EMC3: variants seen among roughly 807,000 people sequenced by gnomAD.
The protein encoded by EMC3 is 30 kDa protein.
EMC3 carries 13 observed loss-of-function variants against 36.6 expected under a neutral mutation model. The observed-to-expected ratio is 0.35, with a 90% CI of 0.23 to 0.56. The LOEUF (loss-of-function observed/expected upper bound fraction) is 0.56, where lower values mean the gene tolerates loss of function less well. EMC3 is among the 20% of genes least tolerant of loss of function. The pLI is 0.84. For missense variants in EMC3, 220 were observed against 324.5 expected (o/e 0.68, Z 2.47); for synonymous variants, 120 against 111.9 (o/e 1.07, Z -0.46).
At chr3:9,969,861 G>A in intron 6 of EMC3, 60 bp from the exon 7 acceptor site, 2 of 1,592,664 alleles carry the variant, frequency 1.3e-6, no homozygotes, top group South Asian at 2.3e-5. Flanking sequence ...CAGCACCCAA[G>A]GGGAAGAATG....
upstream of EMC3, chr3:9,987,187 C>T: frequency 1.1e-6 from 1 of 937,270 alleles, no homozygotes; most frequent in Non-Finnish European, 1.3e-6. Flanking sequence ...GCACTCCAGC[C>T]TGGGCGACAG....
chr3:10,005,851 GTGCTCCACCATCAGAGAAC>G (rs1447097629), intron 1 of EMC3, among the ~76,000 whole-genome samples: 1 of 152,186 alleles, frequency 6.6e-6, no homozygotes, highest in African/African-American at 2.4e-5. Flanking sequence ...AAGAGAGGAA[GTGCTCCACCATCAGAGAAC>G]TGTCCCTTCC....
intron 1 of EMC3, among the ~76,000 whole-genome samples, chr3:9,994,635 A>G (rs566785605): frequency 3.3e-5 from 5 of 152,028 alleles, no homozygotes; most frequent in African/African-American, 9.7e-5. Context: ...CAGTGGCGCA[A>G]TCTCGGCTCA....
In EMC3 at chr3:9,969,259, C is replaced by A. The variant is rs559701271; in HGVS notation, c.657+460G>T. ...ACACGTGTGAGCCCCTGTGCCTGGCCGGAACTTCCCTTCTCTTTTAGTTTC... is the reference window on the plus strand; with the variant it reads ...ACACGTGTGAGCCCCTGTGCCTGGCAGGAACTTCCCTTCTCTTTTAGTTTC... On this transcript the variant is annotated intron_variant, in intron 7 of 7. Coordinates refer to ENST00000245046, the MANE Select transcript of EMC3 (RefSeq NM_001394674.1). 347 of 996,854 alleles carry A rather than the reference C, an allele frequency of 3.5e-4. 8 individuals are homozygous for A. The South Asian group carries it at 7.7e-3, about 22-fold the overall frequency. The allele number at this position is 996,854 out of a possible 1,614,324, so 61.8% of individuals were successfully genotyped here.
chr3:10,007,998 G>C (rs898348247), intron 1 of EMC3, among the ~76,000 whole-genome samples: 3 of 152,170 alleles, frequency 2.0e-5, no homozygotes, highest in African/African-American at 7.2e-5. Flanking sequence ...TGTCTCCCCA[G>C]TGAGCTGCTG....
At chr3:9,998,591 G>T (rs1229565706) in intron 1 of EMC3, among the ~76,000 whole-genome samples, 1 of 151,426 alleles carries the variant, frequency 6.6e-6, no homozygotes, top group African/African-American at 2.4e-5. Context: ...CACCTCTCCT[G>T]GCCCTATTTT....
intron 1 of EMC3, among the ~76,000 whole-genome samples, chr3:9,979,312 C>T (rs2085885592): frequency 1.3e-5 from 2 of 152,106 alleles, no homozygotes; most frequent in Admixed American, 1.3e-4. Flanking sequence ...AAATATTTTA[C>T]AAAAGTATTA....
At chr3:10,005,261 T>C (rs553307907) in intron 1 of EMC3, 4 of 137,374 alleles carry the variant, frequency 2.9e-5, no homozygotes, top group Non-Finnish European at 6.2e-5. Flanking sequence ...AAAAAAAAAA[T>C]CACACATCCA....
At chr3:10,001,484 A>T (rs1239874334) in intron 1 of EMC3, among the ~76,000 whole-genome samples, 1 of 151,136 alleles carries the variant, frequency 6.6e-6, no homozygotes, top group African/African-American at 2.4e-5. Flanking sequence ...AGTCTGAGGC[A>T]GGAGAATGGC....
At chr3:9,993,150 T>C in intron 1 of EMC3, 1 of 638,460 alleles carries the variant, frequency 1.6e-6, no homozygotes, top group Non-Finnish European at 2.8e-6. Context: ...ATTTTAATTG[T>C]CTATCTCAAT....
rs2085775560 is a variant in EMC3 at position 9,970,640 on chromosome 3, G to A, written c.516C>T (p.Tyr172=). ...DASWVSSASW[Y]FLNVFGLRSI... ...TCCGAAGCCCAAATACATTGAGGAA[G>A]TACCAGGATGCAGAACTCACCCTGG... Residue 172 remains tyrosine (Y), a synonymous_variant, in exon 6 of 8, where the codon TAC becomes TAT. Coordinates refer to ENST00000245046, the MANE Select transcript of EMC3 (RefSeq NM_001394674.1). 2 of 1,614,038 alleles carry A rather than the reference G, an allele frequency of 1.2e-6. No individual in the cohort carries two copies. The highest frequency in any genetic ancestry group is 1.7e-5 in the Admixed American group (1 of 60,002).
At chr3:9,986,886 T>A (rs1478545008), upstream of EMC3, 2 of 1,339,718 alleles carry the variant, frequency 1.5e-6, no homozygotes, top group Non-Finnish European at 1.9e-6. Flanking sequence ...CTCAGTGGCG[T>A]CAGAGCGGCG....
chr3:9,982,624 A>C (rs985867057), intron 1 of EMC3, among the ~76,000 whole-genome samples: 2 of 152,118 alleles, frequency 1.3e-5, no homozygotes, highest in African/African-American at 4.8e-5. Context: ...CCAGTGGCTC[A>C]TGCCTATAAT....
At chr3:9,969,227 TG>T in intron 7 of EMC3, 1 of 643,456 alleles carries the variant, frequency 1.6e-6, no homozygotes, top group Non-Finnish European at 2.0e-6. Flanking sequence ...CCCAAAGTGC[TG>T]GGATTACACG....
chr3:10,008,333 G>T, intron 1 of EMC3: 1 of 1,219,180 alleles, frequency 8.2e-7, no homozygotes, highest in Non-Finnish European at 1.1e-6. Flanking sequence ...TGGGTCAAGG[G>T]ACTATAGGGA....
upstream of EMC3, chr3:9,988,552 T>C (rs496181): frequency 0.34 from 294,905 of 877,898 alleles, 55,540 homozygotes; most frequent in Middle Eastern, 0.41. Flanking sequence ...CTGAGGTAGA[T>C]TGAAATAAAA....
chr3:9,986,918 A>G, upstream of EMC3: 2 of 1,278,436 alleles, frequency 1.6e-6, no homozygotes, highest in South Asian at 1.9e-5. Context: ...GGGAAAGTGG[A>G]AAACTATCGG....
chr3:9,980,832 G>A (rs1320323013), intron 1 of EMC3, among the ~76,000 whole-genome samples: 1 of 152,214 alleles, frequency 6.6e-6, no homozygotes, highest in Non-Finnish European at 1.5e-5. Flanking sequence ...GAGCAGGGTC[G>A]TGACCTTGTC....
In EMC3 at chr3:10,009,437, A is replaced by T. The variant is rs116780872; in HGVS notation, c.-242+1586T>A. ...GCGGGAGGAAAAGCAAACCCCACCA[A>T]ACCAACACCTAGTCTAGAGCCTGAT... On this transcript the variant is annotated intron_variant, in intron 1 of 8. Coordinates refer to the EMC3 transcript ENST00000470827. 8.5e-3 allele frequency among the ~76,000 whole-genome samples: 1,291 copies of T among 152,232 alleles called. 9 individuals are homozygous for T. The highest frequency in any genetic ancestry group is 0.018 in the South Asian group (89 of 4,820).
Sources: gnomAD v4.1 joint callset for allele counts (sites outside exome capture counted in the v4.1 genomes callset) on GRCh38, gnomAD v4.1.1 for gene constraint, MANE v1.5 for transcripts, NCBI Gene and HGNC (gene_info 2026-07-23, HGNC 2026-07-21) for gene names.